Variants in NUMB observed in about 807,000 individuals in gnomAD.
NUMB encodes protein numb homolog.
In NUMB, 29 loss-of-function variants were observed where a neutral mutation model predicts 59.7. The ratio of observed to expected loss-of-function variants is 0.49; its 90% CI spans 0.36 to 0.66. The LOEUF (loss-of-function observed/expected upper bound fraction) is 0.66. Ranked by LOEUF, NUMB falls within the 30% of genes least tolerant of loss-of-function variation. The probability of loss-of-function intolerance (pLI) is 0.00; values close to 1 mark genes in which losing one functional copy is unlikely to be tolerated. For missense variants in NUMB, 723 were observed against 822.0 expected (o/e 0.88, Z 1.47); for synonymous variants, 288 against 288.2 (o/e 1.00, Z 0.01).
chr14:73,284,666 A>G (rs2139810353), intron 9 of NUMB: 1 of 253,322 alleles, frequency 3.9e-6, no homozygotes, highest in Admixed American at 5.0e-5. Context: ...CTCAGTTCCT[A>G]TGAATTCCTA....
At chr14:73,286,354 G>C (rs189916217) in intron 9 of NUMB, 2 of 151,990 alleles carry the variant, frequency 1.3e-5, no homozygotes, top group Non-Finnish European at 2.9e-5. Context: ...TTATATTAAT[G>C]TCTATTAGTT....
intron 2 of NUMB, among the ~76,000 whole-genome samples, chr14:73,384,068 G>T (rs999414518): frequency 6.6e-6 from 1 of 151,652 alleles, no homozygotes; most frequent in African/African-American, 2.4e-5. Flanking sequence ...GCAATAAAAT[G>T]ATATATTTAA....
intron 2 of NUMB, among the ~76,000 whole-genome samples, chr14:73,372,642 T>C (rs1894768029): frequency 6.6e-6 from 1 of 151,658 alleles, no homozygotes; most frequent in Non-Finnish European, 1.5e-5. Flanking sequence ...TTGACTCCCA[T>C]TATCCTCAAT....
chr14:73,448,995 GAA>G (rs78099874), intron 1 of NUMB, among the ~76,000 whole-genome samples: 2 of 149,634 alleles, frequency 1.3e-5, no homozygotes, highest in African/African-American at 4.9e-5. Context: ...AATATATTCG[GAA>G]AAAAAAATGG....
intron 1 of NUMB, among the ~76,000 whole-genome samples, chr14:73,447,482 CA>C (rs1883602285): frequency 6.6e-6 from 1 of 151,808 alleles, no homozygotes; most frequent in Admixed American, 6.6e-5. Context: ...TGCAAGACTC[CA>C]TCTCAAAAAA....
intron 4 of NUMB, among the ~76,000 whole-genome samples, chr14:73,332,688 A>C (rs1272874313): frequency 2.5e-5 from 1 of 39,380 alleles, no homozygotes; most frequent in Non-Finnish European, 4.3e-5. Flanking sequence ...TCCAGAGAAA[A>C]ATATTGTTTA....
intron 12 of NUMB, among the ~76,000 whole-genome samples, chr14:73,278,959 C>G (rs1225429211): frequency 6.6e-6 from 1 of 152,006 alleles, no homozygotes; most frequent in Admixed American, 6.6e-5. Flanking sequence ...CTCCTGACCT[C>G]GTGATCCACC....
chr14:73,427,957 G>T (rs1015542046), intron 1 of NUMB, among the ~76,000 whole-genome samples: 1 of 152,098 alleles, frequency 6.6e-6, no homozygotes, highest in Non-Finnish European at 1.5e-5. Flanking sequence ...TAAGCAACTA[G>T]ATTTACCAGT....
intron 4 of NUMB, among the ~76,000 whole-genome samples, chr14:73,342,061 T>A (rs1029776010): frequency 7.9e-5 from 12 of 151,340 alleles, no homozygotes; most frequent in South Asian, 2.1e-4. Flanking sequence ...TCTTTAAATT[T>A]AAAAAAAAAA....
intron 6 of NUMB, among the ~76,000 whole-genome samples, chr14:73,314,611 GCAC>G (rs1459196777): frequency 6.6e-6 from 1 of 152,084 alleles, no homozygotes; most frequent in Non-Finnish European, 1.5e-5. Flanking sequence ...TGAGTAGCGT[GCAC>G]CACCACATCC....
chr14:73,437,884 G>T (rs1047141755), intron 1 of NUMB, among the ~76,000 whole-genome samples: 6 of 150,690 alleles, frequency 4.0e-5, no homozygotes, highest in African/African-American at 1.5e-4. Context: ...AAGAAAAATG[G>T]ACCAAGAACA....
chr14:73,326,145 G>A (rs533895255), intron 4 of NUMB, among the ~76,000 whole-genome samples: 1 of 152,236 alleles, frequency 6.6e-6, no homozygotes, highest in East Asian at 1.9e-4. Flanking sequence ...GAATTTGTTT[G>A]TGAATTCCTA....
At chr14:73,357,890 C>CA (rs1555374390) in intron 3 of NUMB, among the ~76,000 whole-genome samples, 10,255 of 140,540 alleles carry the variant, frequency 0.073, 1,198 homozygotes, top group African/African-American at 0.25. Context: ...AGGCCCCCCC[C>CA]AAAAAAAAAA....
chr14:73,334,893 A>G (rs1323746918), intron 4 of NUMB, among the ~76,000 whole-genome samples: 5 of 150,382 alleles, frequency 3.3e-5, no homozygotes, highest in Admixed American at 6.7e-5. Context: ...AGGTTGCAGT[A>G]AGCTGAAATT....
chr14:73,331,664 G>GA (rs1425443369), intron 4 of NUMB, among the ~76,000 whole-genome samples: 3 of 152,206 alleles, frequency 2.0e-5, no homozygotes, highest in Non-Finnish European at 4.4e-5. Flanking sequence ...CGACAAGGTG[G>GA]AAGTAATTGG....
chr14:73,386,867 A>AATTTTTTTT (rs1895556436), intron 2 of NUMB, among the ~76,000 whole-genome samples: 1 of 79,838 alleles, frequency 1.3e-5, no homozygotes, highest in Non-Finnish European at 2.3e-5. Context: ...CAGGTGTCTT[A>AATTTTTTTT]TTTTTTTTTT....
At chr14:73,285,898 C>T (rs1888959782) in intron 9 of NUMB, among the ~76,000 whole-genome samples, 1 of 150,898 alleles carries the variant, frequency 6.6e-6, no homozygotes, top group African/African-American at 2.4e-5. Context: ...TACATTCCAG[C>T]CTGGGCAACA....
intron 3 of NUMB, among the ~76,000 whole-genome samples, chr14:73,363,178 T>C (rs1288202507): frequency 6.6e-6 from 1 of 151,922 alleles, no homozygotes; most frequent in Non-Finnish European, 1.5e-5. Context: ...GTGCCTGTAG[T>C]CCCAGCTACT....
At chr14:73,313,668 GA>G (rs10582204) in intron 6 of NUMB, among the ~76,000 whole-genome samples, 21,327 of 124,006 alleles carry the variant, frequency 0.17, 2,214 homozygotes, top group Non-Finnish European at 0.24. Context: ...TCCAAAATCT[GA>G]AAAAAAAAAA....
Sources: allele counts gnomAD v4.1 joint callset (sites outside exome capture counted in the v4.1 genomes callset), GRCh38; gene constraint gnomAD v4.1.1; transcripts MANE v1.5; gene names NCBI Gene and HGNC (gene_info 2026-07-23, HGNC 2026-07-21).